Variants in IGF1R observed in about 807,000 individuals in gnomAD.
The protein encoded by IGF1R is insulin-like growth factor 1 receptor.
Under a neutral mutation model 144.6 loss-of-function variants are expected in IGF1R, and 44 were observed. The observed-to-expected ratio is 0.30, with a 90% CI of 0.24 to 0.39. IGF1R has a LOEUF of 0.39. Among genes scored for constraint, IGF1R ranks in the 10% least tolerant of loss-of-function variants. The probability of loss-of-function intolerance (pLI) is 1.00; values close to 1 mark genes in which losing one functional copy is unlikely to be tolerated. For synonymous variants in IGF1R, 795 were observed against 722.8 expected (o/e 1.10, Z -1.60); for missense variants, 1,355 against 1,833.7 (o/e 0.74, Z 4.77).
chr15:98,838,290 AG>A (rs1173648403), intron 2 of IGF1R, among the ~76,000 whole-genome samples: 1 of 152,222 alleles, frequency 6.6e-6, no homozygotes, highest in Non-Finnish European at 1.5e-5. Flanking sequence ...AACTATGTTT[AG>A]AAAGATAAAA....
At chr15:98,772,160 G>A (rs948120608) in intron 2 of IGF1R, among the ~76,000 whole-genome samples, 10 of 152,146 alleles carry the variant, frequency 6.6e-5, no homozygotes, top group Non-Finnish European at 1.2e-4. Flanking sequence ...TGTAGCAACT[G>A]TGGAATCATT....
intron 15 of IGF1R, among the ~76,000 whole-genome samples, chr15:98,930,546 T>C (rs1459714974): frequency 6.6e-6 from 1 of 152,198 alleles, no homozygotes; most frequent in Non-Finnish European, 1.5e-5. Flanking sequence ...ACACAGGCTT[T>C]AGAGATGAAT....
At chr15:98,705,699 C>A (rs1313355946) in intron 1 of IGF1R, among the ~76,000 whole-genome samples, 1 of 152,184 alleles carries the variant, frequency 6.6e-6, no homozygotes, top group Admixed American at 6.5e-5. Context: ...TAATGTAATG[C>A]CCAGTGGGAC....
chr15:98,955,624 G>T (rs2016948781), intron 20 of IGF1R, among the ~76,000 whole-genome samples: 1 of 152,156 alleles, frequency 6.6e-6, no homozygotes, highest in Non-Finnish European at 1.5e-5. Context: ...CTCACACCCA[G>T]GCCCACCCTC....
At position 98,917,101 on chromosome 15, in the gene IGF1R, G is replaced by A. The variant is rs116012413; in HGVS notation, c.2201+225G>A. On this transcript the variant is annotated intron_variant, in intron 10 of 20. Transcript: ENST00000650285. ...CAGGGCTTGGGTTGCTGGGGCCACC[G>A]GTGTGACAGGTACTGCTGTCTCAGC... 849 of 618,154 alleles carry A rather than the reference G, an allele frequency of 1.4e-3. 3 individuals carry two copies. The highest frequency in any genetic ancestry group is 0.013 in the African/African-American group (695 of 55,400). 38.3% of individuals were successfully genotyped at this position (618,154 alleles called of 1,614,324 possible). A position where few individuals can be genotyped will look rare whatever the true frequency, so the allele number is the denominator to read the frequency against.
rs763048745 is a variant in IGF1R at position 98,934,777 on chromosome 15, C to CT, written c.2957-46dup. ...AGAGTTCCCCCAAAGCACGTTCTGTCTAAGGGCTTGTTTCTGTACCTGCTT... is the reference window on the plus strand; with the variant it reads ...AGAGTTCCCCCAAAGCACGTTCTGTCTTAAGGGCTTGTTTCTGTACCTGCTT... On this transcript the variant is annotated intron_variant, in intron 15 of 20. Coordinates refer to ENST00000650285, the MANE Select transcript of IGF1R (RefSeq NM_000875.5). 3 of 1,537,896 alleles carry CT rather than the reference C, an allele frequency of 2.0e-6. No individual in the cohort carries two copies. The African/African-American group carries it at 4.1e-5, about 21-fold the overall frequency.
chr15:98,686,418 T>C (rs1413735566), intron 1 of IGF1R, among the ~76,000 whole-genome samples: 2 of 152,224 alleles, frequency 1.3e-5, no homozygotes, highest in African/African-American at 2.4e-5. Context: ...TTCAGTTCTT[T>C]TGGGTATATA....
chr15:98,799,369 A>T (rs1324205797), intron 2 of IGF1R, among the ~76,000 whole-genome samples: 2 of 884 alleles, frequency 2.3e-3, no homozygotes, highest in Admixed American at 0.013. Flanking sequence ...AGTAAGTTTA[A>T]AAAAAAAAAA....
At chr15:98,727,826 G>C (rs1196896387) in intron 2 of IGF1R, among the ~76,000 whole-genome samples, 1 of 152,128 alleles carries the variant, frequency 6.6e-6, no homozygotes, top group East Asian at 1.9e-4. Context: ...CCGCCGGCCG[G>C]CCCTGGTGCG....
chr15:98,649,306 C>T lies in IGF1R; in HGVS notation c.-276C>T, dbSNP rs80262698. 31,907 of 206,398 alleles carry T rather than the reference C, an allele frequency of 0.15. 3,367 individuals are homozygous for T. Among genetic ancestry groups the T allele is most frequent in the African/African-American group, 0.31 (13,599 of 43,526 alleles). 12.8% of individuals were successfully genotyped at this position (206,398 alleles called of 1,614,324 possible). Reference sequence around the variant, plus strand: ...AAATGGAGGCCGACGACGCCGACAGCCCGCCCCGGCGCGCCTCGGGTTCCC... The same window carrying T: ...AAATGGAGGCCGACGACGCCGACAGTCCGCCCCGGCGCGCCTCGGGTTCCC... On this transcript the variant is annotated 5_prime_UTR_variant, in exon 1 of 21. Transcript: ENST00000650285.
At chr15:98,782,959 T>G (rs2055892672) in intron 2 of IGF1R, among the ~76,000 whole-genome samples, 1 of 152,230 alleles carries the variant, frequency 6.6e-6, no homozygotes, top group East Asian at 1.9e-4. Flanking sequence ...TTTGGAGCTG[T>G]GACTTCCTGA....
intron 2 of IGF1R, among the ~76,000 whole-genome samples, chr15:98,724,629 CAG>C (rs1206313328): frequency 1.3e-5 from 2 of 152,212 alleles, no homozygotes; most frequent in African/African-American, 4.8e-5. Flanking sequence ...GTCTCCAGCT[CAG>C]AGCAGGTCTG....
intron 14 of IGF1R, among the ~76,000 whole-genome samples, chr15:98,929,919 T>G (rs1346398243): frequency 6.6e-6 from 1 of 152,218 alleles, no homozygotes; most frequent in African/African-American, 2.4e-5. Context: ...TGCATACTTT[T>G]CCAAACGCGA....
chr15:98,699,530 A>G (rs374126804), intron 1 of IGF1R, among the ~76,000 whole-genome samples: 61 of 152,316 alleles, frequency 4.0e-4, no homozygotes, highest in African/African-American at 1.4e-3. Context: ...TTTTATGAAG[A>G]TCCGGGAAAA....
At chr15:98,661,053 G>C (rs956814203) in intron 1 of IGF1R, among the ~76,000 whole-genome samples, 1 of 152,122 alleles carries the variant, frequency 6.6e-6, no homozygotes, top group Non-Finnish European at 1.5e-5. Flanking sequence ...GGCCCTTCCA[G>C]CCTTCAGATC....
intron 2 of IGF1R, among the ~76,000 whole-genome samples, chr15:98,822,556 C>A (rs2056821261): frequency 6.6e-6 from 1 of 152,120 alleles, no homozygotes; most frequent in Non-Finnish European, 1.5e-5. Flanking sequence ...TATAGTGAGC[C>A]CCTCGGCTTC....
chr15:98,830,887 A>G (rs1226245916), intron 2 of IGF1R, among the ~76,000 whole-genome samples: 3 of 152,198 alleles, frequency 2.0e-5, no homozygotes, highest in African/African-American at 4.8e-5. Flanking sequence ...TACAGGTGTG[A>G]ACCACCACGC....
intron 5 of IGF1R, among the ~76,000 whole-genome samples, chr15:98,902,706 G>T (rs996347406): frequency 2.0e-5 from 3 of 152,124 alleles, no homozygotes; most frequent in Non-Finnish European, 4.4e-5. Flanking sequence ...GAGCCACCAC[G>T]CCCGGCCTTC....
intron 3 of IGF1R, 119 bp from the exon 4 acceptor site, chr15:98,896,638 A>T (rs1222794935): frequency 9.5e-6 from 10 of 1,055,592 alleles, no homozygotes; most frequent in South Asian, 1.4e-5. Flanking sequence ...ACTTCAAAAC[A>T]GTTGCTTTTT....
Sources: gnomAD v4.1 joint callset for allele counts (sites outside exome capture counted in the v4.1 genomes callset) on GRCh38, gnomAD v4.1.1 for gene constraint, MANE v1.5 for transcripts, NCBI Gene and HGNC (gene_info 2026-07-23, HGNC 2026-07-21) for gene names.